Variants in B4GALT3 observed in about 807,000 individuals in gnomAD.
The protein encoded by B4GALT3 is beta-1,4-galactosyltransferase 3, also known as N-acetyllactosamine synthase.
In B4GALT3, 29 loss-of-function variants were observed where a neutral mutation model predicts 40.7. That is an observed-to-expected ratio of 0.71 (90% CI 0.53 to 0.97). B4GALT3 has a LOEUF of 0.97. B4GALT3 is among the 50% of genes least tolerant of loss of function. The pLI is 0.00. For missense variants in B4GALT3, 390 were observed against 522.3 expected, an observed-to-expected ratio of 0.75 and a Z score of 2.47; for synonymous variants, 182 against 203.9, an observed-to-expected ratio of 0.89 and a Z score of 0.92.
chr1:161,175,139 G>A lies in B4GALT3; in HGVS notation c.343C>T (p.Arg115Cys), dbSNP rs775570899. 16 of 1,613,866 alleles carry A rather than the reference G, an allele frequency of 9.9e-6. No individual in the cohort carries two copies. Among genetic ancestry groups the A allele is most frequent in the East Asian group, 2.2e-5 (1 of 44,898 alleles). The change falls in exon 4 of 8, where the codon CGC becomes TGC. Residue 115 changes from arginine (R) to cysteine (C), a missense_variant. Arg to Cys is a radical substitution (Grantham distance 180). Around this residue, in one of 3 missense-constraint regions of B4GALT3, gnomAD observed 183 missense variants for 223.2 expected, o/e 0.82. Transcript: ENST00000319769. ...NPRVEPGGRYRPAGCEPRSRT... is the reference protein window; with the variant it reads ...NPRVEPGGRYCPAGCEPRSRT... The stretch of plus-strand genomic sequence containing the variant: ...GAGCGGGGCTCACAACCTGCAGGGC[G>A]GTACCGGCCCCCTGGTTCTACCCGG...
Position 161,175,953 on chromosome 1 carries a change from G to A in B4GALT3, c.108C>T (p.Ala36=). 2 of 1,614,130 alleles carry A rather than the reference G, an allele frequency of 1.2e-6. No homozygotes were observed. The highest frequency in any genetic ancestry group is 1.6e-4 in the Middle Eastern group (1 of 6,062). The change falls in exon 3 of 8, where the codon GCC becomes GCT. Residue 36 remains alanine (A), a synonymous_variant. Transcript: ENST00000319769. ...TCGGTCCCTGATCTCGGCCAAATAG[G>A]GCACTGAGACTTCGGAAGCCCCCCA... ...LSLGGFRSLS[A]LFGRDQGPTF...
rs1661390061 is a variant in B4GALT3, at chr1:161,171,421, C to A, written c.*395G>T. The A allele has an allele frequency of 1.2e-4, 76 of 656,704 alleles. No individual in the cohort carries two copies. The South Asian group carries it at 1.4e-3, about 12-fold the overall frequency. 40.7% of individuals were successfully genotyped at this position (656,704 alleles called of 1,614,324 possible). A position where few individuals can be genotyped will look rare whatever the true frequency, so the allele number is the denominator to read the frequency against. On this transcript the variant is annotated 3_prime_UTR_variant, in exon 8 of 8. Transcript: ENST00000319769. ...CAGAAAATGCCCAGGGAGGGGCTTC[C>A]TTCACCAAACAACTTCCCGGGAACC...
rs199852621 is a variant in B4GALT3 at position 161,175,885 on chromosome 1, C to T, written c.176G>A (p.Ser59Asn). ...ACCCCCTGGGGCCCCAGGCAGGTGACTGAGGTTACTGTAGACATCACGAGG... is the reference window on the plus strand; with the variant it reads ...ACCCCCTGGGGCCCCAGGCAGGTGATTGAGGTTACTGTAGACATCACGAGG... The part of the protein sequence containing the change: ...SHPRDVYSNL[S>N]HLPGAPGGPP... Residue 59 changes from serine (S) to asparagine (N), a missense_variant, in exon 3 of 8, where the codon AGT (serine) becomes AAT (asparagine). Ser to Asn is a conservative substitution (Grantham distance 46, BLOSUM62 1). Transcript: ENST00000319769. 6.2e-7 allele frequency: 1 copy of T among 1,614,032 alleles called. No homozygotes were observed. The highest frequency in any genetic ancestry group is 8.5e-7 in the Non-Finnish European group (1 of 1,180,036).
At chr1:161,172,360 G>A in intron 6 of B4GALT3, 29 bp from the exon 7 acceptor site, 5 of 1,582,906 alleles carry the variant, frequency 3.2e-6, no homozygotes, top group Non-Finnish European at 3.5e-6. Context: ...TATCATGGGG[G>A]ATCCAGAGTA....
chr1:161,172,191 A>G (rs763689228), intron 7 of B4GALT3, 36 bp downstream of exon 7: 3 of 1,612,438 alleles, frequency 1.9e-6, no homozygotes, highest in Non-Finnish European at 2.5e-6. Context: ...CTGAGGATCC[A>G]GTAACAATTC....
rs781538101 is a variant in B4GALT3, at chr1:161,175,836, G to A, written c.225C>T (p.Pro75=). 6 of 1,614,136 alleles carry A rather than the reference G, an allele frequency of 3.7e-6. No individual in the cohort carries two copies. The highest frequency in any genetic ancestry group is 2.2e-5 in the East Asian group (1 of 44,878). The change falls in exon 3 of 8, where the codon CCC becomes CCT. Residue 75 remains proline (P), a synonymous_variant. Coordinates refer to ENST00000319769, the MANE Select transcript of B4GALT3 (RefSeq NM_003779.4). ...PGGPPAPQGL[P]YCPERSPLLV... is the part of the protein sequence containing the mutation. Reference sequence around the variant, plus strand: ...AGAGAGGAGATCGTTCTGGACAGTAGGGCAGACCTTGAGGAGCTGGAGGAC... The same window carrying A: ...AGAGAGGAGATCGTTCTGGACAGTAAGGCAGACCTTGAGGAGCTGGAGGAC...
At chr1:161,175,733 T>C (rs1663253426) in intron 3 of B4GALT3, 75 bp downstream of exon 3, 2 of 1,570,654 alleles carry the variant, frequency 1.3e-6, no homozygotes. Context: ...TGCCACTCCA[T>C]GCCTCCCTAT....
Position 161,171,387 on chromosome 1 carries a change from C to G in B4GALT3, c.*429G>C. 1 of 823,384 alleles carries G rather than the reference C, an allele frequency of 1.2e-6. No homozygotes were observed. The highest frequency in any genetic ancestry group is 1.9e-6 in the Non-Finnish European group (1 of 534,370). The allele number at this position is 823,384 out of a possible 1,614,324, so 51.0% of individuals were successfully genotyped here. A position where few individuals can be genotyped will look rare whatever the true frequency, so the allele number is the denominator to read the frequency against. On this transcript the variant is annotated 3_prime_UTR_variant, in exon 8 of 8. Transcript: ENST00000319769. ...CCAGGACCAGAAGAGGGAGCTATTC[C>G]AGCATAGGCAGAAAATGCCCAGGGA...
chr1:161,173,541 G>C, intron 6 of B4GALT3, 64 bp downstream of exon 6: 1 of 1,609,270 alleles, frequency 6.2e-7, no homozygotes, highest in Non-Finnish European at 8.5e-7. Flanking sequence ...TATGGTCAAA[G>C]GTGGTCTTAG....
chr1:161,177,370 T>C, intron 1 of B4GALT3, 53 bp downstream of exon 1: 1 of 390,032 alleles, frequency 2.6e-6, no homozygotes, highest in East Asian at 4.9e-5. Flanking sequence ...CTCTCTCGAA[T>C]GCCCAAACCT....
At position 161,172,025 on chromosome 1, in the gene B4GALT3, G is replaced by A; in HGVS notation, c.973C>T (p.Gln325Ter). 1.2e-6 allele frequency: 2 copies of A among 1,614,202 alleles called. No homozygotes were observed. Among genetic ancestry groups the A allele is most frequent in the Non-Finnish European group, 1.7e-6 (2 of 1,180,012 alleles). Residue 325 changes from glutamine to a stop codon, truncating the protein, a stop_gained, in exon 8 of 8, where the codon CAG (glutamine) becomes TAG (stop). Coordinates refer to ENST00000319769, the MANE Select transcript of B4GALT3 (RefSeq NM_003779.4). LOFTEE classifies it high-confidence loss of function. ...GGCCCCAGCTCTCGAGCCAGCAACT[G>A]GTATGTCAGTGAGTTCATCCCATCT... is the stretch of plus-strand genomic sequence containing the variant. ...TQDGMNSLTY[Q>*]LLARELGPLY...
At position 161,174,064 on chromosome 1, in the gene B4GALT3, A is replaced by AG. The variant is rs1662503024; in HGVS notation, c.490-16dup. On this transcript the variant is annotated splice_polypyrimidine_tract_variant and intron_variant, in intron 4 of 7. Transcript: ENST00000319769. Reference sequence around the variant, plus strand: ...CCATTTCCAGCCTGGAAGATAATGGAGGGGAACCAGACTATGTCTGTAGGT... The same window carrying AG: ...CCATTTCCAGCCTGGAAGATAATGGAGGGGGAACCAGACTATGTCTGTAGGT... The AG allele has an allele frequency of 6.2e-7, 1 of 1,611,372 alleles. No individual in the cohort carries two copies. The highest frequency in any genetic ancestry group is 1.3e-5 in the African/African-American group (1 of 74,888).
intron 4 of B4GALT3, among the ~76,000 whole-genome samples, chr1:161,174,330 C>T (rs1662647330): frequency 6.6e-6 from 1 of 151,682 alleles, no homozygotes; most frequent in South Asian, 2.1e-4. Flanking sequence ...TGGCGTAAAA[C>T]CCGGGAGGTG....
At chr1:161,177,032 A>C in intron 1 of B4GALT3, 1 of 1,514,720 alleles carries the variant, frequency 6.6e-7, no homozygotes, top group Admixed American at 2.0e-5. Flanking sequence ...CTCGGCGGAG[A>C]GTAGGGTGGG....
rs1316366242 is a variant in B4GALT3, at chr1:161,175,918, T to C, written c.143A>G (p.Tyr48Cys). Residue 48 changes from tyrosine to cysteine, a missense_variant, in exon 3 of 8, where the codon TAT becomes TGT. Physicochemically the swap from Tyr to Cys is radical, Grantham distance 194 (BLOSUM62 -2). Coordinates refer to ENST00000319769, the MANE Select transcript of B4GALT3 (RefSeq NM_003779.4). ...ACTGTAGACATCACGAGGGTGAGAA[T>C]AGTCAAATGTCGGTCCCTGATCTCG... is the stretch of plus-strand genomic sequence containing the variant. ...FGRDQGPTFD[Y>C]SHPRDVYSNL... 3.7e-6 allele frequency: 6 copies of C among 1,614,054 alleles called. No homozygotes were observed. Among genetic ancestry groups the C allele is most frequent in the East Asian group, 2.2e-5 (1 of 44,864 alleles).
rs754933749 is a variant in B4GALT3 at position 161,173,837 on chromosome 1, A to C, written c.680+22T>G. On this transcript the variant is annotated intron_variant, in intron 5 of 7. Coordinates refer to ENST00000319769, the MANE Select transcript of B4GALT3 (RefSeq NM_003779.4). ...AGGATAGTAGGCTTCCCTGTTTCCCAGTACCCTTCCATGCCCTCTACCTGT... is the reference window on the plus strand; with the variant it reads ...AGGATAGTAGGCTTCCCTGTTTCCCCGTACCCTTCCATGCCCTCTACCTGT... 9.3e-6 allele frequency: 15 copies of C among 1,611,548 alleles called. No homozygotes were observed. The South Asian group carries it at 1.7e-4, about 18-fold the overall frequency.
chr1:161,176,752 G>GTCAGGTTCATACTTA, intron 1 of B4GALT3, 173 bp from the exon 2 acceptor site: 1 of 952,720 alleles, frequency 1.0e-6, no homozygotes. Flanking sequence ...AATGATAAGT[G>GTCAGGTTCATACTTA]TCAGGTTCAT....
intron 6 of B4GALT3, 103 bp downstream of exon 6, chr1:161,173,502 C>G: frequency 1.3e-6 from 2 of 1,535,514 alleles, no homozygotes; most frequent in Non-Finnish European, 1.8e-6. Flanking sequence ...AGTGCAGGAC[C>G]AGGGAGCTAA....
chr1:161,174,107 G>T, intron 4 of B4GALT3, 58 bp from the exon 5 acceptor site: 2 of 1,565,168 alleles, frequency 1.3e-6, no homozygotes. Flanking sequence ...AGAAAAGGGG[G>T]CTAAAGAATA....
Sources: allele counts gnomAD v4.1 joint callset (sites outside exome capture counted in the v4.1 genomes callset), GRCh38; gene constraint gnomAD v4.1.1; regional missense constraint gnomAD v4.1.1; transcripts MANE v1.5; gene names NCBI Gene and HGNC (gene_info 2026-07-23, HGNC 2026-07-21).